LRRC4C: variants seen among roughly 807,000 people sequenced by gnomAD.
The protein encoded by LRRC4C is leucine-rich repeat-containing protein 4C.
In LRRC4C, 5 loss-of-function variants were observed where a neutral mutation model predicts 33.6. The ratio of observed to expected loss-of-function variants is 0.15; its 90% CI spans 0.08 to 0.31. LRRC4C has a LOEUF of 0.31. Ranked by LOEUF, LRRC4C falls within the 10% of genes least tolerant of loss-of-function variation. The pLI is 1.00. For missense variants in LRRC4C, 560 were observed against 796.7 expected, an observed-to-expected ratio of 0.70 and a Z score of 3.58; for synonymous variants, 329 against 302.0, an observed-to-expected ratio of 1.09 and a Z score of -0.93.
At chr11:40,272,165 A>G (rs1942755112) in intron 4 of LRRC4C, among the ~76,000 whole-genome samples, 1 of 152,130 alleles carries the variant, frequency 6.6e-6, no homozygotes, top group African/African-American at 2.4e-5. Context: ...CTGTGATAGG[A>G]AAATATTTTG....
At chr11:41,362,414 A>T (rs1296199568) in intron 1 of LRRC4C, among the ~76,000 whole-genome samples, 61 of 152,212 alleles carry the variant, frequency 4.0e-4, no homozygotes, top group Admixed American at 3.9e-3. Flanking sequence ...AAATAGCTTC[A>T]GCACCATGGA....
chr11:40,748,831 A>G (rs1411104791), intron 2 of LRRC4C, among the ~76,000 whole-genome samples: 1 of 152,150 alleles, frequency 6.6e-6, no homozygotes, highest in Non-Finnish European at 1.5e-5. Context: ...AAGAATAGCT[A>G]TACATATATT....
At chr11:40,483,498 C>T (rs1046896044) in intron 3 of LRRC4C, among the ~76,000 whole-genome samples, 9 of 151,760 alleles carry the variant, frequency 5.9e-5, no homozygotes, top group African/African-American at 1.9e-4. Context: ...ATGATTTAGG[C>T]AATTACACAT....
chr11:40,737,475 G>T (rs569292426), intron 2 of LRRC4C, among the ~76,000 whole-genome samples: 3 of 152,002 alleles, frequency 2.0e-5, no homozygotes, highest in Admixed American at 2.0e-4. Flanking sequence ...AAACTCCATC[G>T]TCTCAGCCCA....
chr11:40,900,861 C>T (rs1026830444), intron 2 of LRRC4C, among the ~76,000 whole-genome samples: 3 of 151,582 alleles, frequency 2.0e-5, no homozygotes, highest in Non-Finnish European at 4.4e-5. Flanking sequence ...GTTTTTTTCT[C>T]CCTACATTTA....
chr11:40,637,313 C>T (rs539479393), intron 3 of LRRC4C, among the ~76,000 whole-genome samples: 1 of 152,320 alleles, frequency 6.6e-6, no homozygotes, highest in Non-Finnish European at 1.5e-5. Context: ...AATTCTATGG[C>T]AGGCAATCTC....
intron 2 of LRRC4C, among the ~76,000 whole-genome samples, chr11:40,661,003 T>G (rs1943403287): frequency 6.6e-6 from 1 of 152,190 alleles, no homozygotes. Context: ...ATAAAGGGGT[T>G]TCTTTTTATT....
chr11:40,678,854 T>G (rs1005101949), intron 2 of LRRC4C, among the ~76,000 whole-genome samples: 6 of 152,110 alleles, frequency 3.9e-5, no homozygotes, highest in Non-Finnish European at 8.8e-5. Context: ...TACAGTTAAT[T>G]GGTACTGGGT....
chr11:40,431,537 A>G (rs1192657352), intron 3 of LRRC4C, among the ~76,000 whole-genome samples: 1 of 151,360 alleles, frequency 6.6e-6, no homozygotes, highest in Non-Finnish European at 1.5e-5. Flanking sequence ...CATGCCTACC[A>G]CCTCTGTTAA....
chr11:40,469,961 C>G lies in LRRC4C; in HGVS notation c.-269-150240G>C, dbSNP rs189708926. On this transcript the variant is annotated intron_variant, in intron 3 of 6. Transcript: ENST00000528697. ...AGGGCAGCTGTGGGAGCAGTTTCAG[C>G]AGACTTAAATGTTATTGCCTGTTGG... 5.9e-5 allele frequency among the ~76,000 whole-genome samples: 9 copies of G among 152,310 alleles called. No individual in the cohort carries two copies. The East Asian group carries it at 1.7e-3, about 30-fold the overall frequency.
intron 1 of LRRC4C, among the ~76,000 whole-genome samples, chr11:41,089,506 T>A (rs1257385136): frequency 6.6e-6 from 1 of 152,010 alleles, no homozygotes; most frequent in Non-Finnish European, 1.5e-5. Context: ...TCCCAGGTAA[T>A]GTAAAGGCCA....
chr11:40,488,642 TC>T (rs747403051), intron 3 of LRRC4C, among the ~76,000 whole-genome samples: 9 of 152,092 alleles, frequency 5.9e-5, no homozygotes, highest in Non-Finnish European at 1.2e-4. Flanking sequence ...AGCTAGATCC[TC>T]CGTGTGTTGC....
intron 2 of LRRC4C, among the ~76,000 whole-genome samples, chr11:40,823,375 G>C (rs927942097): frequency 6.6e-6 from 1 of 151,468 alleles, no homozygotes; most frequent in Non-Finnish European, 1.5e-5. Context: ...AGAAGACAAG[G>C]AATGATTTCC....
chr11:40,876,929 G>A (rs1954923555), intron 2 of LRRC4C, among the ~76,000 whole-genome samples: 1 of 146,386 alleles, frequency 6.8e-6, no homozygotes, highest in Non-Finnish European at 1.5e-5. Context: ...AAAAAATCTT[G>A]ATAGCAGCTC....
At chr11:40,973,178 C>G (rs772519724) in intron 1 of LRRC4C, among the ~76,000 whole-genome samples, 2 of 152,016 alleles carry the variant, frequency 1.3e-5, no homozygotes, top group Non-Finnish European at 2.9e-5. Context: ...CTTTTCTATA[C>G]AAATTACCTG....
chr11:40,270,230 T>C (rs552614291), intron 4 of LRRC4C, among the ~76,000 whole-genome samples: 1 of 152,314 alleles, frequency 6.6e-6, no homozygotes, highest in African/African-American at 2.4e-5. Context: ...TATCACCATC[T>C]GAGTGGCTTA....
At chr11:41,459,401 A>T (rs1204550573) in intron 1 of LRRC4C, 30 bp downstream of exon 1, 1 of 152,152 alleles carries the variant, frequency 6.6e-6, no homozygotes, top group Non-Finnish European at 1.5e-5. Context: ...AGACAACAAG[A>T]ACTGAGATCT....
At position 40,485,573 on chromosome 11, in the gene LRRC4C, C is replaced by G. The variant is rs189640838; in HGVS notation, c.-270+162569G>C. Among the ~76,000 whole-genome samples the G allele has an allele frequency of 6.3e-3, 954 of 151,920 alleles. 6 individuals are homozygous for G. Among genetic ancestry groups the G allele is most frequent in the Middle Eastern group, 0.024 (7 of 294 alleles). On this transcript the variant is annotated intron_variant, in intron 3 of 6. Transcript: ENST00000528697. The stretch of plus-strand genomic sequence containing the variant: ...CCAAAAATGGCTAGTTACAGGGTAC[C>G]AAAGAATCACCCCACAAAACTTTTC...
chr11:41,351,708 C>T (rs1315171533), intron 1 of LRRC4C, among the ~76,000 whole-genome samples: 1 of 152,086 alleles, frequency 6.6e-6, no homozygotes, highest in African/African-American at 2.4e-5. Flanking sequence ...TGCATTAATG[C>T]ATTAAAAATA....
Sources: gnomAD v4.1 joint callset for allele counts (sites outside exome capture counted in the v4.1 genomes callset) on GRCh38, gnomAD v4.1.1 for gene constraint, MANE v1.5 for transcripts, NCBI Gene and HGNC (gene_info 2026-07-23, HGNC 2026-07-21) for gene names.